FSTL5: variants seen among roughly 807,000 people sequenced by gnomAD.
FSTL5 encodes the protein follistatin-related protein 5.
In FSTL5, 62 loss-of-function variants were observed where a neutral mutation model predicts 89.1. The ratio of observed to expected loss-of-function variants is 0.70; its 90% confidence interval spans 0.57 to 0.86. FSTL5 has a LOEUF of 0.86. Among genes scored for constraint, FSTL5 ranks in the 40% least tolerant of loss-of-function variants. The pLI, the probability that FSTL5 is intolerant of heterozygous loss-of-function variation, is 0.00. For missense variants in FSTL5, 1,057 were observed against 1,001.6 expected (o/e 1.06, Z -0.75); for synonymous variants, 383 against 346.2 (o/e 1.11, Z -1.18).
At chr4:161,501,482 G>A (rs1355104929) in intron 11 of FSTL5, among the ~76,000 whole-genome samples, 1 of 151,822 alleles carries the variant, frequency 6.6e-6, no homozygotes, top group Admixed American at 6.6e-5. Context: ...CTTTATTCAT[G>A]TTTATATATA....
intron 3 of FSTL5, among the ~76,000 whole-genome samples, chr4:161,957,466 G>A (rs1483730825): frequency 6.6e-6 from 1 of 151,856 alleles, no homozygotes; most frequent in African/African-American, 2.4e-5. Flanking sequence ...TCTTTCATCT[G>A]TTATTTTCTG....
chr4:161,532,059 G>T (rs1386904890), intron 10 of FSTL5, among the ~76,000 whole-genome samples: 6 of 152,062 alleles, frequency 3.9e-5, no homozygotes, highest in Non-Finnish European at 5.9e-5. Context: ...AAAAAAATTA[G>T]CCGGGCGTGG....
intron 4 of FSTL5, among the ~76,000 whole-genome samples, chr4:161,804,554 A>G (rs890641783): frequency 6.6e-6 from 1 of 151,934 alleles, no homozygotes; most frequent in Non-Finnish European, 1.5e-5. Flanking sequence ...AAGTTAAAAA[A>G]CTATCATACT....
chr4:161,781,221 G>A (rs1174970018), intron 4 of FSTL5, among the ~76,000 whole-genome samples: 1 of 151,708 alleles, frequency 6.6e-6, no homozygotes, highest in Non-Finnish European at 1.5e-5. Context: ...ATGCATATAT[G>A]AATCAAATTC....
Position 161,770,475 on chromosome 4 carries a change from C to A in FSTL5, c.606+5403G>T, listed in dbSNP as rs188776764. On this transcript the variant is annotated intron_variant, in intron 5 of 15. Transcript: ENST00000306100. ...CTCATGTAACCCTTATGTATATATA[C>A]CTACTATGTACTCATAAAAATTAAA... Among the ~76,000 whole-genome samples the A allele has an allele frequency of 1.7e-3, 253 of 151,764 alleles. 1 individual carries two copies. The highest frequency in any genetic ancestry group is 5.3e-3 in the African/African-American group (221 of 41,436).
intron 7 of FSTL5, among the ~76,000 whole-genome samples, chr4:161,621,567 C>A (rs1443306957): frequency 6.6e-6 from 1 of 151,670 alleles, no homozygotes; most frequent in Non-Finnish European, 1.5e-5. Context: ...TAGAAGAAAC[C>A]AACAAAATAG....
Position 161,612,826 on chromosome 4 carries a change from T to A in FSTL5, c.895-25251A>T, listed in dbSNP as rs1208485716. Among the ~76,000 whole-genome samples the A allele has an allele frequency of 2.0e-5, 3 of 152,348 alleles. No homozygotes were observed. In the East Asian group the frequency reaches 5.8e-4, roughly 29 times the overall value. On this transcript the variant is annotated intron_variant, in intron 7 of 15. Transcript: ENST00000306100. ...TGATTCTTGTCTCAGAATTACCTTCTATAAAATAGGGACCTCAGTGGTATC... is the reference window on the plus strand; with the variant it reads ...TGATTCTTGTCTCAGAATTACCTTCAATAAAATAGGGACCTCAGTGGTATC...
At chr4:161,620,027 A>C (rs1735060714) in intron 7 of FSTL5, among the ~76,000 whole-genome samples, 1 of 152,020 alleles carries the variant, frequency 6.6e-6, no homozygotes, top group Non-Finnish European at 1.5e-5. Context: ...TGATGAGCTC[A>C]TGTCCTTTGT....
rs557063858 is a variant in FSTL5, at chr4:161,465,136, C to G, written c.1609-5817G>C. Among the ~76,000 whole-genome samples the G allele has an allele frequency of 2.3e-3, 354 of 152,200 alleles. 1 individual carries two copies. The highest frequency in any genetic ancestry group is 4.3e-3 in the Non-Finnish European group (289 of 67,998). ...TGACCATCCAATATACAGATAAATTCAGGCCTTCAATATTGGTCCTTATAG... is the reference window on the plus strand; with the variant it reads ...TGACCATCCAATATACAGATAAATTGAGGCCTTCAATATTGGTCCTTATAG... On this transcript the variant is annotated intron_variant, in intron 13 of 15. Transcript: ENST00000306100.
intron 3 of FSTL5, among the ~76,000 whole-genome samples, chr4:162,007,197 G>A (rs1736638628): frequency 6.6e-6 from 1 of 151,804 alleles, no homozygotes; most frequent in East Asian, 1.9e-4. Flanking sequence ...TCCTAGAGGA[G>A]TGCTATGTTA....
intron 15 of FSTL5, among the ~76,000 whole-genome samples, chr4:161,448,472 G>A (rs1182389473): frequency 1.3e-5 from 2 of 151,960 alleles, no homozygotes; most frequent in African/African-American, 4.8e-5. Flanking sequence ...TTGCTTTAAC[G>A]GATTTGATAA....
intron 5 of FSTL5, among the ~76,000 whole-genome samples, chr4:161,767,346 C>T (rs956073074): frequency 6.6e-6 from 1 of 152,140 alleles, no homozygotes; most frequent in Non-Finnish European, 1.5e-5. Flanking sequence ...ATGGGAGAGA[C>T]TAAGATGCCT....
intron 5 of FSTL5, among the ~76,000 whole-genome samples, chr4:161,773,946 A>G (rs866586338): frequency 6.6e-6 from 1 of 152,158 alleles, no homozygotes; most frequent in Admixed American, 6.6e-5. Flanking sequence ...GCCCACATCC[A>G]TCATTCAATG....
chr4:161,898,980 T>C (rs1317022143), intron 4 of FSTL5, among the ~76,000 whole-genome samples: 2 of 152,168 alleles, frequency 1.3e-5, no homozygotes, highest in East Asian at 3.9e-4. Context: ...TCTGTCTCCA[T>C]CTCCTTCCTA....
chr4:161,647,551 A>G (rs2126674643), intron 7 of FSTL5, among the ~76,000 whole-genome samples: 1 of 151,286 alleles, frequency 6.6e-6, no homozygotes, highest in African/African-American at 2.4e-5. Context: ...TTTGGTAAGG[A>G]TTAAACTGGT....
chr4:162,140,023 C>G (rs1461013460), intron 1 of FSTL5, among the ~76,000 whole-genome samples: 1 of 151,968 alleles, frequency 6.6e-6, no homozygotes, highest in African/African-American at 2.4e-5. Flanking sequence ...TCATTGATAT[C>G]TAAAAATATG....
chr4:162,106,687 G>T (rs76288647), intron 2 of FSTL5, among the ~76,000 whole-genome samples: 6,967 of 152,150 alleles, frequency 0.046, 364 homozygotes, highest in East Asian at 0.27. Flanking sequence ...GGAGCACAGG[G>T]TTTGTAATTA....
At chr4:162,148,997 G>T (rs778084569) in intron 1 of FSTL5, among the ~76,000 whole-genome samples, 1 of 152,142 alleles carries the variant, frequency 6.6e-6, no homozygotes, top group Non-Finnish European at 1.5e-5. Flanking sequence ...CTTGTTTGAG[G>T]AAAAATACTG....
chr4:161,423,495 G>C (rs907324428), intron 15 of FSTL5, among the ~76,000 whole-genome samples: 2 of 152,054 alleles, frequency 1.3e-5, no homozygotes, highest in African/African-American at 4.8e-5. Flanking sequence ...ATAATTCTCT[G>C]ATAATTCTCT....
Sources: gnomAD v4.1 joint callset for allele counts (sites outside exome capture counted in the v4.1 genomes callset) on GRCh38, gnomAD v4.1.1 for gene constraint, MANE v1.5 for transcripts, NCBI Gene and HGNC (gene_info 2026-07-23, HGNC 2026-07-21) for gene names.